The following TBC1D2B variants were observed in gnomAD, a reference collection of about 807,000 sequenced individuals.
TBC1D2B encodes TBC1 domain family, member 2B.
In TBC1D2B, 64 loss-of-function variants were observed where a neutral mutation model predicts 100.8. That is an observed-to-expected ratio of 0.64 (90% CI 0.52 to 0.78). The LOEUF is 0.78. Ranked by LOEUF, TBC1D2B falls within the 30% of genes least tolerant of loss-of-function variation. The probability of loss-of-function intolerance (pLI) is 0.00; values close to 1 mark genes in which losing one functional copy is unlikely to be tolerated. For missense variants in TBC1D2B, 1,052 were observed against 1,218.4 expected (o/e 0.86, Z 2.03); for synonymous variants, 480 against 479.7 (o/e 1.00, Z -0.01).
chr15:78,024,397 C>T lies in TBC1D2B; in HGVS notation c.1229G>A (p.Ser410Asn). 6.2e-7 allele frequency: 1 copy of T among 1,614,078 alleles called. No homozygotes were observed. Among genetic ancestry groups the T allele is most frequent in the South Asian group, 1.1e-5 (1 of 91,088 alleles). The change falls in exon 6 of 13, where the codon AGC becomes AAC. Residue 410 changes from serine (S) to asparagine (N), a missense_variant. Physicochemically the swap from Ser to Asn is conservative, Grantham distance 46. This residue lies in a region of TBC1D2B where 627 missense variants were observed against 646.1 expected (regional missense o/e 0.97). Transcript: ENST00000300584. ...QKDDQILGLT[S>N]QLERFSLEKE... ...CTCCAAGCTGAACCTCTCCAGCTGG[C>T]TGGTAAGGCCCAGAATCTGATCATC...
At chr15:78,049,592 C>T (rs189354846) in intron 2 of TBC1D2B, among the ~76,000 whole-genome samples, 24 of 152,158 alleles carry the variant, frequency 1.6e-4, no homozygotes, top group Non-Finnish European at 2.6e-4. Flanking sequence ...CCCTGTTCTC[C>T]TGCAATCTGG....
rs929437424 is a variant in TBC1D2B at position 78,016,838 on chromosome 15, T to C, written c.1582-99A>G. 8 of 948,262 alleles carry C rather than the reference T, an allele frequency of 8.4e-6. No homozygotes were observed. In the African/African-American group the frequency reaches 1.4e-4, roughly 16 times the overall value. 58.7% of individuals were successfully genotyped at this position (948,262 alleles called of 1,614,324 possible). ...CAGTGAACAACAAACCCAAAACTAT[T>C]AGGAAGTGAGCCAGAGACAGACTGT... On this transcript the variant is annotated intron_variant, in intron 7 of 12. Coordinates refer to ENST00000300584, the MANE Select transcript of TBC1D2B (RefSeq NM_144572.2).
chr15:78,033,650 G>A (rs554603204), intron 3 of TBC1D2B, among the ~76,000 whole-genome samples: 2 of 152,222 alleles, frequency 1.3e-5, no homozygotes, highest in South Asian at 4.2e-4. Context: ...GAACTTATTG[G>A]AGGTAAATTA....
rs573348370 is a variant in TBC1D2B, at chr15:78,037,060, C to T, written c.684-6890G>A. On this transcript the variant is annotated intron_variant, in intron 3 of 12. Coordinates refer to ENST00000300584, the MANE Select transcript of TBC1D2B (RefSeq NM_144572.2). ...AGAGCAAACACCTAATAAACATGCA[C>T]AGCCTCAAAGAAACCAAACATCTAA... 3.3e-5 allele frequency among the ~76,000 whole-genome samples: 5 copies of T among 152,272 alleles called. No homozygotes were observed. In the South Asian group the frequency reaches 1.0e-3, roughly 32 times the overall value.
rs2071746361 is a variant in TBC1D2B, at chr15:77,996,099, C to T, written c.*2061G>A. 6.6e-6 allele frequency: 1 copy of T among 151,894 alleles called. No individual in the cohort carries two copies. The highest frequency in any genetic ancestry group is 1.5e-5 in the Non-Finnish European group (1 of 68,014). The allele number at this position is 151,894 out of a possible 1,614,324, so 9.4% of individuals were successfully genotyped here. A position where few individuals can be genotyped will look rare whatever the true frequency, so the allele number is the denominator to read the frequency against. Reference sequence around the variant, plus strand: ...GGCAGGAGAACCTCTGAGAAAGTGTCCCCAGTCCCTTTCCTCCAGGAACTC... The same window carrying T: ...GGCAGGAGAACCTCTGAGAAAGTGTTCCCAGTCCCTTTCCTCCAGGAACTC... On this transcript the variant is annotated 3_prime_UTR_variant, in exon 13 of 13. Coordinates refer to ENST00000300584, the MANE Select transcript of TBC1D2B (RefSeq NM_144572.2).
chr15:78,027,707 G>A (rs1260400260), intron 4 of TBC1D2B, among the ~76,000 whole-genome samples: 1 of 152,202 alleles, frequency 6.6e-6, no homozygotes, highest in African/African-American at 2.4e-5. Context: ...CCCCAGTCCT[G>A]CTCACATTCA....
chr15:78,044,608 A>G (rs900422327), intron 3 of TBC1D2B, among the ~76,000 whole-genome samples: 2 of 152,064 alleles, frequency 1.3e-5, no homozygotes, highest in Non-Finnish European at 2.9e-5. Flanking sequence ...TCAGACACAT[A>G]CTCTCCTTCA....
rs2073166051 is a variant in TBC1D2B, at chr15:78,044,970, T to C, written c.613A>G (p.Asn205Asp). The C allele has an allele frequency of 8.1e-6, 13 of 1,613,850 alleles. No homozygotes were observed. The highest frequency in any genetic ancestry group is 1.1e-5 in the Non-Finnish European group (13 of 1,179,794). The change falls in exon 3 of 13, where the codon AAT becomes GAT. Residue 205 changes from asparagine (N) to aspartate (D), a missense_variant. By Grantham distance (23) the Asn-to-Asp change is conservative (BLOSUM62 1). Around this residue, in one of 4 missense-constraint regions of TBC1D2B, gnomAD observed 627 missense variants for 646.1 expected, o/e 0.97. Transcript: ENST00000300584. ...TTTGGATGCCCTGGGGCGGGCTGAT[T>C]TGCAGCTTGTTCTCCCACCAGCTCT... ...PGELVGEQAA[N>D]QPAPGHPNSI... is the part of the protein sequence containing the mutation.
intron 2 of TBC1D2B, among the ~76,000 whole-genome samples, chr15:78,045,647 A>C (rs960544318): frequency 1.3e-5 from 2 of 152,254 alleles, no homozygotes; most frequent in East Asian, 1.9e-4. Flanking sequence ...CACATCTTTA[A>C]AATGTAAACT....
chr15:78,062,101 C>T (rs540975564), intron 1 of TBC1D2B, among the ~76,000 whole-genome samples: 13 of 152,262 alleles, frequency 8.5e-5, no homozygotes, highest in Middle Eastern at 3.4e-3. Flanking sequence ...CTGTAAGCCC[C>T]GGAGCTGCTT....
intron 10 of TBC1D2B, among the ~76,000 whole-genome samples, chr15:78,007,930 G>A (rs1190088845): frequency 6.6e-6 from 1 of 152,220 alleles, no homozygotes; most frequent in Non-Finnish European, 1.5e-5. Flanking sequence ...AGCACCTCCC[G>A]CTGGCCTGCA....
chr15:78,052,388 T>A (rs2073331951), intron 2 of TBC1D2B, among the ~76,000 whole-genome samples: 1 of 152,114 alleles, frequency 6.6e-6, no homozygotes, highest in East Asian at 1.9e-4. Flanking sequence ...GACTAGAAAT[T>A]CTGTGAGGAG....
chr15:78,065,259 C>A (rs575696649), intron 1 of TBC1D2B, among the ~76,000 whole-genome samples: 1 of 152,294 alleles, frequency 6.6e-6, no homozygotes, highest in Non-Finnish European at 1.5e-5. Flanking sequence ...CAGAGATTAG[C>A]AACTAAGGGT....
At chr15:78,009,187 C>G in intron 9 of TBC1D2B, 73 bp from the exon 10 acceptor site, 1 of 1,074,752 alleles carries the variant, frequency 9.3e-7, no homozygotes, top group Non-Finnish European at 1.4e-6. Context: ...CAGAGACCAT[C>G]TGCTTTAAGC....
intron 1 of TBC1D2B, among the ~76,000 whole-genome samples, chr15:78,060,455 T>C (rs994414872): frequency 1.4e-5 from 2 of 139,082 alleles, no homozygotes; most frequent in African/African-American, 5.4e-5. Context: ...CTGAGCAACA[T>C]GGTGAAACCA....
At chr15:78,015,391 A>G (rs1417200693) in intron 8 of TBC1D2B, among the ~76,000 whole-genome samples, 1 of 152,220 alleles carries the variant, frequency 6.6e-6, no homozygotes, top group Non-Finnish European at 1.5e-5. Flanking sequence ...TTTCCATAAG[A>G]AAAAGTTGAA....
intron 12 of TBC1D2B, among the ~76,000 whole-genome samples, chr15:77,999,951 G>C (rs1317491472): frequency 2.0e-5 from 3 of 152,012 alleles, no homozygotes; most frequent in Non-Finnish European, 4.4e-5. Context: ...TGTAACTCCC[G>C]TCTCCTGAAT....
At chr15:78,048,854 G>A (rs1444693884) in intron 2 of TBC1D2B, among the ~76,000 whole-genome samples, 2 of 152,236 alleles carry the variant, frequency 1.3e-5, no homozygotes, top group African/African-American at 4.8e-5. Context: ...TGCTCCGCCA[G>A]CAACCTCTGC....
In TBC1D2B at chr15:77,998,012, G is replaced by A. The variant is rs2071808036; in HGVS notation, c.*148C>T. 2.8e-6 allele frequency: 2 copies of A among 711,538 alleles called. No homozygotes were observed. Among genetic ancestry groups the A allele is most frequent in the African/African-American group, 3.7e-5 (2 of 54,734 alleles). The allele number at this position is 711,538 out of a possible 1,614,324, so 44.1% of individuals were successfully genotyped here. ...CTCCCACCCCTGCCCCCCGCACAGT[G>A]GGAAATGAGGAAGGGCAGCCTGGCT... On this transcript the variant is annotated 3_prime_UTR_variant, in exon 13 of 13. Transcript: ENST00000300584.
Sources: allele counts gnomAD v4.1 joint callset (sites outside exome capture counted in the v4.1 genomes callset), GRCh38; gene constraint gnomAD v4.1.1; regional missense constraint gnomAD v4.1.1; transcripts MANE v1.5; gene names NCBI Gene and HGNC (gene_info 2026-07-23, HGNC 2026-07-21).